Variants in SHISAL1 observed in about 807,000 individuals in gnomAD.
SHISAL1 encodes the protein shisa like 1.
In SHISAL1, 9 loss-of-function variants were observed where a neutral mutation model predicts 22.6. The observed-to-expected ratio is 0.40, with a 90% confidence interval of 0.24 to 0.70. SHISAL1 has a LOEUF of 0.70. Ranked by LOEUF, SHISAL1 falls within the 30% of genes least tolerant of loss-of-function variation. The pLI is 0.39. For synonymous variants in SHISAL1, 119 were observed against 115.4 expected (o/e 1.03, Z -0.20); for missense variants, 246 against 270.6 (o/e 0.91, Z 0.64).
At chr22:44,292,343 G>T (rs73888977) in intron 3 of SHISAL1, among the ~76,000 whole-genome samples, 3,491 of 152,264 alleles carry the variant, frequency 0.023, 119 homozygotes, top group African/African-American at 0.08. Context: ...CCTTTTAGCT[G>T]GGGTCTGGTG....
chr22:44,249,460 G>T lies in SHISAL1; in HGVS notation c.*225C>A. 2 of 505,550 alleles carry T rather than the reference G, an allele frequency of 4.0e-6. No individual in the cohort carries two copies. The highest frequency in any genetic ancestry group is 6.6e-5 in the East Asian group (2 of 30,230). The allele number at this position is 505,550 out of a possible 1,614,324, so 31.3% of individuals were successfully genotyped here. A position where few individuals can be genotyped will look rare whatever the true frequency, so the allele number is the denominator to read the frequency against. ...AAATAGGACTATTGCTTGCGGACAG[G>T]TGGCTCAGAATCCCCTCCCCTGCAC... On this transcript the variant is annotated 3_prime_UTR_variant, in exon 5 of 5. Transcript: ENST00000381176.
At chr22:44,274,569 G>A (rs377371120) in intron 4 of SHISAL1, among the ~76,000 whole-genome samples, 3 of 152,116 alleles carry the variant, frequency 2.0e-5, no homozygotes, top group Non-Finnish European at 4.4e-5. Flanking sequence ...AAAATTATAC[G>A]TTGTATAAAC....
intron 1 of SHISAL1, 144 bp from the exon 2 acceptor site, chr22:44,301,121 A>T: frequency 1.8e-6 from 1 of 569,662 alleles, no homozygotes; most frequent in East Asian, 3.0e-5. Flanking sequence ...GACGATGGAG[A>T]TGCCGCCATC....
chr22:44,323,559 TCCAC>T, the SHISAL1 span, among the ~76,000 whole-genome samples: 309 of 116,642 alleles, frequency 2.6e-3, 3 homozygotes, highest in African/African-American at 8.6e-3. Flanking sequence ...CATCCATCCA[TCCAC>T]CATCCATCCA....
At chr22:44,321,252 G>GCCTCA in the SHISAL1 span, among the ~76,000 whole-genome samples, 1 of 152,148 alleles carries the variant, frequency 6.6e-6, no homozygotes, top group Non-Finnish European at 1.5e-5. Flanking sequence ...CTCCAGCCTT[G>GCCTCA]GCTTCTGCTT....
chr22:44,281,924 C>T (rs2055279417), intron 4 of SHISAL1, among the ~76,000 whole-genome samples: 1 of 152,222 alleles, frequency 6.6e-6, no homozygotes, highest in Non-Finnish European at 1.5e-5. Flanking sequence ...CGGCACAACG[C>T]CCCACCTGCC....
the SHISAL1 span, among the ~76,000 whole-genome samples, chr22:44,328,166 T>C: frequency 6.6e-6 from 1 of 152,130 alleles, no homozygotes; most frequent in Non-Finnish European, 1.5e-5. Flanking sequence ...GGATAATGAC[T>C]AGAAAGTGAG....
intron 4 of SHISAL1, among the ~76,000 whole-genome samples, chr22:44,260,908 C>T (rs987772347): frequency 1.3e-5 from 2 of 151,828 alleles, no homozygotes; most frequent in Admixed American, 1.3e-4. Flanking sequence ...AATGTGGCTT[C>T]GGTCACTCCC....
At chr22:44,326,522 A>AT in the SHISAL1 span, among the ~76,000 whole-genome samples, 3 of 151,762 alleles carry the variant, frequency 2.0e-5, no homozygotes, top group South Asian at 2.1e-4. Context: ...CCAAAAAAAA[A>AT]TTTTTTTTCC....
chr22:44,292,186 G>A (rs1031317912), intron 3 of SHISAL1, among the ~76,000 whole-genome samples: 1 of 152,126 alleles, frequency 6.6e-6, no homozygotes, highest in African/African-American at 2.4e-5. Flanking sequence ...GAGGGCTGTG[G>A]CGGGGCGGGG....
At position 44,296,841 on chromosome 22, in the gene SHISAL1, T is replaced by C; in HGVS notation, c.112A>G (p.Lys38Glu). The change falls in exon 3 of 5, where the codon AAA becomes GAA. Residue 38 changes from lysine (K) to glutamate (E), a missense_variant. Lys to Glu is a moderately conservative substitution (Grantham distance 56). Around this residue, in one of 2 missense-constraint regions of SHISAL1, gnomAD observed 110 missense variants for 153.1 expected, o/e 0.72. Transcript: ENST00000381176. The stretch of plus-strand genomic sequence containing the variant: ...TGGAAGCCAAAGTGGTAGCGGCCTT[T>C]GTGGTCTGTGTATGGTTCACAGACC... ...FRVCEPYTDHKGRYHFGFHCP... is the reference protein window; with the variant it reads ...FRVCEPYTDHEGRYHFGFHCP... 6.2e-7 allele frequency: 1 copy of C among 1,613,276 alleles called. No individual in the cohort carries two copies. Among genetic ancestry groups the C allele is most frequent in the Non-Finnish European group, 8.5e-7 (1 of 1,180,026 alleles).
intron 4 of SHISAL1, among the ~76,000 whole-genome samples, chr22:44,254,595 C>T (rs922602276): frequency 5.3e-5 from 8 of 152,080 alleles, no homozygotes; most frequent in African/African-American, 1.9e-4. Flanking sequence ...CTCCTGGCCT[C>T]AAGCAATCCT....
rs1343604188 is a variant in SHISAL1, at chr22:44,296,788, G to A, written c.165C>T (p.Thr55=). The change falls in exon 3 of 5, where the codon ACC becomes ACT. Residue 55 remains threonine (T), a synonymous_variant. Transcript: ENST00000381176. ...TGTTATGGTGACAACAGAGGATGAAGGTCTTGTTGTCCGAGAGCCGGGGGC... is the reference window on the plus strand; with the variant it reads ...TGTTATGGTGACAACAGAGGATGAAAGTCTTGTTGTCCGAGAGCCGGGGGC... ...FHCPRLSDNK[T]FILCCHHNNT... is the part of the protein sequence containing the mutation. 35 of 1,613,934 alleles carry A rather than the reference G, an allele frequency of 2.2e-5. No homozygotes were observed. The highest frequency in any genetic ancestry group is 2.8e-5 in the Non-Finnish European group (33 of 1,180,018).
chr22:44,291,936 A>G (rs2055355277), intron 3 of SHISAL1, among the ~76,000 whole-genome samples: 1 of 152,088 alleles, frequency 6.6e-6, no homozygotes. Context: ...TCACCACGTC[A>G]GGGCCCCTGC....
the SHISAL1 span, among the ~76,000 whole-genome samples, chr22:44,327,993 G>C: frequency 6.6e-5 from 10 of 152,272 alleles, no homozygotes; most frequent in African/African-American, 1.9e-4. Flanking sequence ...CTCTCAGTTC[G>C]CTCTAAGATC....
chr22:44,283,371 G>C (rs1411078555), intron 4 of SHISAL1, among the ~76,000 whole-genome samples: 1 of 152,254 alleles, frequency 6.6e-6, no homozygotes, highest in Non-Finnish European at 1.5e-5. Context: ...ATCCCTGCAG[G>C]CTTGGCAAGC....
upstream of SHISAL1, among the ~76,000 whole-genome samples, chr22:44,317,796 G>A (rs1416511972): frequency 6.6e-6 from 1 of 152,236 alleles, no homozygotes; most frequent in Non-Finnish European, 1.5e-5. Context: ...CTCCCCCGCA[G>A]CATAGCAAGC....
At chr22:44,290,537 A>C (rs1245175464) in intron 3 of SHISAL1, among the ~76,000 whole-genome samples, 1 of 148,518 alleles carries the variant, frequency 6.7e-6, no homozygotes, top group Non-Finnish European at 1.5e-5. Context: ...CTCAAAAAAA[A>C]AAAAAAACAA....
intron 2 of SHISAL1, 22 bp from the exon 3 acceptor site, chr22:44,296,907 C>G: frequency 6.3e-7 from 1 of 1,595,522 alleles, no homozygotes; most frequent in Non-Finnish European, 8.6e-7. Flanking sequence ...AGTCACCAGG[C>G]TCAGAGGGGT....
Sources: gnomAD v4.1 joint callset for allele counts (sites outside exome capture counted in the v4.1 genomes callset) on GRCh38, gnomAD v4.1.1 for gene constraint, gnomAD v4.1.1 regional missense constraint, MANE v1.5 for transcripts, NCBI Gene and HGNC (gene_info 2026-07-23, HGNC 2026-07-21) for gene names.